The following XPO7 variants were observed in gnomAD, a reference collection of about 807,000 sequenced individuals.
XPO7 encodes the protein exportin-7.
A neutral mutation model predicts 144.3 loss-of-function variants in XPO7; 21 were observed. That is an observed-to-expected ratio of 0.15 (90% CI 0.10 to 0.21). The LOEUF is 0.21. XPO7 is among the 10% of genes least tolerant of loss of function. XPO7 has a pLI of 1.00. For missense variants in XPO7, 808 were observed against 1,325.8 expected (o/e 0.61, Z 6.06); for synonymous variants, 580 against 499.6 (o/e 1.16, Z -2.15).
rs184288491 is a variant in XPO7 at position 21,985,495 on chromosome 8, A to C, written c.1472-91A>C. On this transcript the variant is annotated intron_variant, in intron 12 of 27. Coordinates refer to ENST00000252512, the MANE Select transcript of XPO7 (RefSeq NM_015024.5). ...AAAAGTAAGACTTCATGGTTTCACC[A>C]CAGTGTTCTTAAGATTAAGGAAGTT... 531 of 1,193,384 alleles carry C rather than the reference A, an allele frequency of 4.4e-4. 2 individuals carry two copies. In the African/African-American group the frequency reaches 7.1e-3, roughly 16 times the overall value. 73.9% of individuals were successfully genotyped at this position (1,193,384 alleles called of 1,614,324 possible). A position where few individuals can be genotyped will look rare whatever the true frequency, so the allele number is the denominator to read the frequency against.
chr8:21,995,471 T>C (rs757225973), intron 20 of XPO7, 21 bp from the exon 21 acceptor site: 1 of 1,577,950 alleles, frequency 6.3e-7, no homozygotes. Flanking sequence ...CAGAAATCTT[T>C]CCTTAGCTTC....
At chr8:21,920,538 C>T (rs1400101850) in intron 1 of XPO7, among the ~76,000 whole-genome samples, 1 of 152,086 alleles carries the variant, frequency 6.6e-6, no homozygotes, top group East Asian at 1.9e-4. Context: ...GCAGACGTTG[C>T]TCGGGAGGGT....
intron 5 of XPO7, among the ~76,000 whole-genome samples, chr8:21,973,492 A>G (rs753092495): frequency 6.6e-6 from 1 of 152,216 alleles, no homozygotes; most frequent in Non-Finnish European, 1.5e-5. Context: ...GAATATTTTG[A>G]GCCTCTAAAT....
chr8:21,937,385 TA>T, intron 1 of XPO7, among the ~76,000 whole-genome samples: 1 of 152,338 alleles, frequency 6.6e-6, no homozygotes, highest in African/African-American at 2.4e-5. Flanking sequence ...CCAAGAAGAT[TA>T]AACCTCTTAG....
intron 25 of XPO7, 96 bp from the exon 26 acceptor site, chr8:22,003,123 C>G: frequency 1.2e-6 from 1 of 860,406 alleles, no homozygotes; most frequent in Non-Finnish European, 1.8e-6. Context: ...CAGAAAAGGC[C>G]TTCAGCCTAA....
intron 1 of XPO7, among the ~76,000 whole-genome samples, chr8:21,957,066 G>A (rs1366935564): frequency 6.6e-6 from 1 of 152,058 alleles, no homozygotes; most frequent in Non-Finnish European, 1.5e-5. Flanking sequence ...CTGCATATTA[G>A]TGTATCTGCA....
chr8:21,967,610 G>C (rs1811927198), intron 2 of XPO7, among the ~76,000 whole-genome samples: 1 of 152,140 alleles, frequency 6.6e-6, no homozygotes, highest in Admixed American at 6.5e-5. Flanking sequence ...TGGGATTACA[G>C]ACGTGAGCCA....
chr8:21,983,846 G>GCTGCTGCTC (rs1339008857), intron 11 of XPO7, among the ~76,000 whole-genome samples: 7 of 146,860 alleles, frequency 4.8e-5, no homozygotes, highest in African/African-American at 1.9e-4. Flanking sequence ...TAGTTTTAGT[G>GCTGCTGCTC]CTGCTGCTCC....
intron 18 of XPO7, among the ~76,000 whole-genome samples, chr8:21,991,395 C>G (rs1028148653): frequency 5.3e-5 from 8 of 152,150 alleles, no homozygotes; most frequent in Non-Finnish European, 1.5e-5. Context: ...TGGTATTACT[C>G]TAATTTCGAG....
intron 1 of XPO7, among the ~76,000 whole-genome samples, chr8:21,947,557 C>T (rs1188104122): frequency 6.6e-6 from 1 of 152,084 alleles, no homozygotes; most frequent in Non-Finnish European, 1.5e-5. Flanking sequence ...ACACATCATA[C>T]ACAATATTTA....
chr8:21,959,759 A>G (rs1811660833), intron 1 of XPO7, among the ~76,000 whole-genome samples: 1 of 152,190 alleles, frequency 6.6e-6, no homozygotes, highest in Non-Finnish European at 1.5e-5. Context: ...ATTGCAGTCA[A>G]AGAATCTTAG....
rs1812171771 is a variant in XPO7, at chr8:21,974,681, C to G, written c.504C>G (p.Thr168=). The change falls in exon 6 of 28, where the codon ACC becomes ACG. Residue 168 remains threonine, a synonymous_variant. Transcript: ENST00000252512. ...CTTTTTCTGCACAGGCAGACACCAC[C>G]CATCCTTTAACCAAGCACAGAAAAA... ...LTNEINQADT[T]HPLTKHRKIA... is the part of the protein sequence containing the mutation. 6.3e-7 allele frequency: 1 copy of G among 1,588,746 alleles called. No homozygotes were observed. The highest frequency in any genetic ancestry group is 1.2e-5 in the South Asian group (1 of 86,344).
At chr8:21,956,923 GATA>G (rs1811555194) in intron 1 of XPO7, among the ~76,000 whole-genome samples, 1 of 152,022 alleles carries the variant, frequency 6.6e-6, no homozygotes, top group South Asian at 2.1e-4. Flanking sequence ...TCAGATTTCT[GATA>G]ATACTTGATT....
intron 25 of XPO7, among the ~76,000 whole-genome samples, chr8:22,002,679 A>G (rs1209107468): frequency 2.0e-5 from 3 of 152,250 alleles, no homozygotes; most frequent in South Asian, 2.1e-4. Flanking sequence ...AGAGAGATCA[A>G]ACCATATGCT....
At chr8:21,972,006 G>A (rs753983002) in intron 5 of XPO7, 65 bp downstream of exon 5, 10 of 1,490,438 alleles carry the variant, frequency 6.7e-6, no homozygotes, top group South Asian at 1.1e-5. Flanking sequence ...GGTGTTTTCT[G>A]CTGTGTGTGG....
chr8:21,980,177 G>T lies in XPO7; in HGVS notation c.931G>T (p.Val311Phe). Residue 311 changes from valine (V) to phenylalanine (F), a missense_variant, in exon 9 of 28, where the codon GTT (valine) becomes TTT (phenylalanine). This residue lies in a region of XPO7 where 223 missense variants were observed against 368.8 expected (regional missense o/e 0.60). Coordinates refer to ENST00000252512, the MANE Select transcript of XPO7 (RefSeq NM_015024.5). ...AKFLSHLVDG[V>F]KRILENPQSL... ...GTTTCTCTCTCATCTTGTTGATGGT[G>T]TTAAACGAATACTGGAAAACCCACA... is the stretch of plus-strand genomic sequence containing the variant. 6.3e-7 allele frequency: 1 copy of T among 1,599,660 alleles called. No homozygotes were observed. The highest frequency in any genetic ancestry group is 8.5e-7 in the Non-Finnish European group (1 of 1,172,240).
At chr8:21,977,699 A>C in intron 7 of XPO7, 71 bp from the exon 8 acceptor site, 1 of 1,395,826 alleles carries the variant, frequency 7.2e-7, no homozygotes, top group South Asian at 1.2e-5. Flanking sequence ...CCTGATGTAT[A>C]GTGCTGGAAG....
At position 21,970,214 on chromosome 8, in the gene XPO7, G is replaced by A. The variant is rs1447491392; in HGVS notation, c.330G>A (p.Gln110=). The A allele has an allele frequency of 1.2e-6, 2 of 1,613,684 alleles. No homozygotes were observed. The highest frequency in any genetic ancestry group is 1.3e-5 in the African/African-American group (1 of 74,870). The change falls in exon 4 of 28, where the codon CAG becomes CAA. Residue 110 remains glutamine, a synonymous_variant. Coordinates refer to ENST00000252512, the MANE Select transcript of XPO7 (RefSeq NM_015024.5). ...LATFVTQALI[Q]LYARITKLGW... ...CTTTCGTGACACAAGCACTTATTCA[G>A]TTATATGCCAGAATCACAAAACTGG...
intron 1 of XPO7, among the ~76,000 whole-genome samples, chr8:21,933,321 T>C (rs1159277615): frequency 6.6e-6 from 1 of 152,042 alleles, no homozygotes; most frequent in Non-Finnish European, 1.5e-5. Flanking sequence ...AGGATGGTCT[T>C]GATCTCCTGA....
Sources: allele counts gnomAD v4.1 joint callset (sites outside exome capture counted in the v4.1 genomes callset), GRCh38; gene constraint gnomAD v4.1.1; regional missense constraint gnomAD v4.1.1; transcripts MANE v1.5; gene names NCBI Gene and HGNC (gene_info 2026-07-23, HGNC 2026-07-21).